Variants in NRXN3 observed in about 807,000 individuals in gnomAD.
NRXN3 encodes neurexin III.
In NRXN3, 32 loss-of-function variants were observed where a neutral mutation model predicts 137.6. The ratio of observed to expected loss-of-function variants is 0.23; its 90% CI spans 0.18 to 0.31. The LOEUF (loss-of-function observed/expected upper bound fraction) is 0.31, where lower values mean the gene tolerates loss of function less well. NRXN3 is among the 10% of genes least tolerant of loss of function. NRXN3 has a pLI of 1.00. For synonymous variants in NRXN3, 798 were observed against 784.5 expected (o/e 1.02, Z -0.29); for missense variants, 1,574 against 2,062.5 (o/e 0.76, Z 4.59).
chr14:78,600,937 GC>G (rs1425360201), intron 4 of NRXN3, among the ~76,000 whole-genome samples: 3 of 152,152 alleles, frequency 2.0e-5, no homozygotes, highest in Admixed American at 2.0e-4. Context: ...CTCTCCTTTT[GC>G]CTTTTACCAC....
At chr14:78,354,783 G>T (rs1460618800) in intron 4 of NRXN3, among the ~76,000 whole-genome samples, 1 of 152,206 alleles carries the variant, frequency 6.6e-6, no homozygotes, top group Non-Finnish European at 1.5e-5. Context: ...CAGTAAGAAG[G>T]TTTATGTGCT....
At chr14:79,168,858 C>T (rs377275898) in intron 15 of NRXN3, among the ~76,000 whole-genome samples, 8 of 152,076 alleles carry the variant, frequency 5.3e-5, no homozygotes, top group Non-Finnish European at 7.4e-5. Flanking sequence ...TATGTGGTAT[C>T]GTTTCCTGTG....
chr14:78,294,144 C>G (rs2076073768), intron 3 of NRXN3, among the ~76,000 whole-genome samples: 1 of 152,240 alleles, frequency 6.6e-6, no homozygotes, highest in Admixed American at 6.5e-5. Flanking sequence ...TTCACTCATT[C>G]AATCATCAAA....
chr14:79,053,637 G>T (rs201834780), intron 15 of NRXN3, among the ~76,000 whole-genome samples: 1 of 1,614 alleles, frequency 6.2e-4, no homozygotes, highest in Non-Finnish European at 4.2e-3. Context: ...TGTGTGTGTT[G>T]TGTGTGTGTG....
chr14:79,593,274 A>G (rs1347496930), intron 16 of NRXN3, among the ~76,000 whole-genome samples: 1 of 152,178 alleles, frequency 6.6e-6, no homozygotes, highest in Non-Finnish European at 1.5e-5. Flanking sequence ...AATTTAAACA[A>G]TGGGAGTATA....
At chr14:79,764,425 G>C (rs1176203999) in intron 19 of NRXN3, among the ~76,000 whole-genome samples, 1 of 152,148 alleles carries the variant, frequency 6.6e-6, no homozygotes, top group East Asian at 1.9e-4. Flanking sequence ...TAATTGCATT[G>C]TAAATATTAG....
chr14:78,316,843 C>A (rs1403097553), intron 4 of NRXN3, among the ~76,000 whole-genome samples: 1 of 152,166 alleles, frequency 6.6e-6, no homozygotes, highest in Admixed American at 6.5e-5. Context: ...TTTGGCAGCT[C>A]CTGCCCATGT....
chr14:78,945,686 C>A (rs31441), intron 10 of NRXN3, among the ~76,000 whole-genome samples: 32,531 of 152,138 alleles, frequency 0.21, 7,171 homozygotes, highest in African/African-American at 0.54. Flanking sequence ...TGTGTTAGTC[C>A]GCTCTGCTCA....
rs370974027 is a variant in NRXN3 at position 78,958,365 on chromosome 14, T to C, written c.2395+1004T>C. ...ATATCTTTTTTTTCTTTCTTTCTTTTTTTTTTTTTTAAGACAGTCTTGCTC... is the reference window on the plus strand; with the variant it reads ...ATATCTTTTTTTTCTTTCTTTCTTTCTTTTTTTTTTAAGACAGTCTTGCTC... On this transcript the variant is annotated intron_variant, in intron 11 of 20. Coordinates refer to ENST00000335750, the MANE Select transcript of NRXN3 (RefSeq NM_001330195.2). Among the ~76,000 whole-genome samples the C allele has an allele frequency of 1.5e-3, 233 of 151,732 alleles. 5 individuals carry two copies. In the South Asian group the frequency reaches 0.023, roughly 15 times the overall value.
intron 19 of NRXN3, among the ~76,000 whole-genome samples, chr14:79,726,152 G>T (rs530641341): frequency 6.6e-6 from 1 of 152,134 alleles, no homozygotes; most frequent in African/African-American, 2.4e-5. Flanking sequence ...TTTTGTTTCT[G>T]TTATTCTCTA....
intron 4 of NRXN3, among the ~76,000 whole-genome samples, chr14:78,395,894 C>A (rs1264170601): frequency 1.3e-5 from 2 of 151,804 alleles, no homozygotes; most frequent in Non-Finnish European, 2.9e-5. Flanking sequence ...GAATTGAATT[C>A]TTTGTAGATA....
At chr14:78,751,002 G>A (rs987402114) in intron 8 of NRXN3, among the ~76,000 whole-genome samples, 3 of 152,168 alleles carry the variant, frequency 2.0e-5, no homozygotes, top group East Asian at 1.9e-4. Context: ...CTACCAAAGC[G>A]GGGAGGCCGT....
chr14:78,601,838 G>T (rs1421556706), intron 4 of NRXN3, among the ~76,000 whole-genome samples: 1 of 152,086 alleles, frequency 6.6e-6, no homozygotes, highest in Non-Finnish European at 1.5e-5. Flanking sequence ...AATACAACTG[G>T]TAAAAAGGTT....
intron 16 of NRXN3, among the ~76,000 whole-genome samples, chr14:79,551,603 G>T (rs1172279285): frequency 6.6e-6 from 1 of 152,120 alleles, no homozygotes; most frequent in Non-Finnish European, 1.5e-5. Context: ...GGAACCTAGG[G>T]TGCAGCTTGA....
intron 6 of NRXN3, among the ~76,000 whole-genome samples, chr14:78,672,516 T>C (rs547822930): frequency 2.0e-5 from 3 of 152,288 alleles, no homozygotes; most frequent in African/African-American, 7.2e-5. Flanking sequence ...CTATTAATGA[T>C]GCTAATGACA....
intron 15 of NRXN3, among the ~76,000 whole-genome samples, chr14:79,181,799 T>C (rs1379187887): frequency 6.6e-6 from 1 of 152,028 alleles, no homozygotes; most frequent in Admixed American, 6.6e-5. Flanking sequence ...AATCATTGAT[T>C]CCAGCCACAT....
intron 15 of NRXN3, among the ~76,000 whole-genome samples, chr14:79,355,451 G>A (rs945130329): frequency 2.6e-5 from 4 of 152,102 alleles, no homozygotes; most frequent in African/African-American, 4.8e-5. Flanking sequence ...CCTCGGCTCC[G>A]CATTTTGTGT....
At chr14:79,159,899 G>A (rs534381803) in intron 15 of NRXN3, among the ~76,000 whole-genome samples, 14 of 151,844 alleles carry the variant, frequency 9.2e-5, no homozygotes, top group East Asian at 7.8e-4. Context: ...TCTTATATGC[G>A]TTTTCCACGA....
Position 79,692,242 on chromosome 14 carries a change from A to T in NRXN3, c.3686A>T (p.Glu1229Val), listed in dbSNP as rs1170646427. Residue 1229 changes from glutamate to valine, a missense_variant, in exon 18 of 21, where the codon GAG becomes GTG. By Grantham distance (121) the Glu-to-Val change is moderately radical (BLOSUM62 -2). Around this residue, in one of 5 missense-constraint regions of NRXN3, gnomAD observed 133 missense variants for 241.8 expected, o/e 0.55. Coordinates refer to ENST00000335750, the MANE Select transcript of NRXN3 (RefSeq NM_001330195.2). ...CCCTTCAAATATAATCGGCCTGTAG[A>T]GGAGTGGCTGCAGGAAAAAGGTAAC... ...KIPFKYNRPV[E>V]EWLQEKGRQL... 1 of 1,608,956 alleles carries T rather than the reference A, an allele frequency of 6.2e-7. No individual in the cohort carries two copies. Among genetic ancestry groups the T allele is most frequent in the Admixed American group, 1.7e-5 (1 of 59,362 alleles).
Sources: allele counts gnomAD v4.1 joint callset (sites outside exome capture counted in the v4.1 genomes callset), GRCh38; gene constraint gnomAD v4.1.1; regional missense constraint gnomAD v4.1.1; transcripts MANE v1.5; gene names NCBI Gene and HGNC (gene_info 2026-07-23, HGNC 2026-07-21).